Variants in RCOR1 observed in about 807,000 individuals in gnomAD.
RCOR1 encodes REST corepressor 1.
Under a neutral mutation model 64.0 loss-of-function variants are expected in RCOR1, and 12 were observed. That is an observed-to-expected ratio of 0.19 (90% confidence interval 0.12 to 0.30). The LOEUF (loss-of-function observed/expected upper bound fraction) is 0.30, where lower values mean the gene tolerates loss of function less well. Ranked by LOEUF, RCOR1 falls within the 10% of genes least tolerant of loss-of-function variation. The pLI is 1.00. For missense variants in RCOR1, 502 were observed against 621.2 expected, an observed-to-expected ratio of 0.81 and a Z score of 2.04; for synonymous variants, 279 against 227.2, an observed-to-expected ratio of 1.23 and a Z score of -2.05.
intron 2 of RCOR1, among the ~76,000 whole-genome samples, chr14:102,653,959 CTTTCTTTCTTTCTTTCTTTCTTTCT>C (rs1894655328): frequency 2.0e-4 from 10 of 50,040 alleles, no homozygotes; most frequent in South Asian, 5.2e-4. Context: ...TTCTTTCTTT[CTTTCTTTCTTTCTTTCTTTCTTTCT>C]TTTTTTTTTT....
intron 2 of RCOR1, among the ~76,000 whole-genome samples, chr14:102,601,680 G>C (rs774309764): frequency 2.3e-4 from 35 of 152,202 alleles, no homozygotes; most frequent in Non-Finnish European, 4.1e-4. Flanking sequence ...CTGTTGGGCA[G>C]GAATGGTCCT....
chr14:102,610,910 G>T (rs972682491), intron 2 of RCOR1, among the ~76,000 whole-genome samples: 1 of 152,084 alleles, frequency 6.6e-6, no homozygotes, highest in African/African-American at 2.4e-5. Flanking sequence ...CTTTTGTCAA[G>T]TGCATGAAAT....
At chr14:102,605,143 T>C (rs1302984223) in intron 2 of RCOR1, among the ~76,000 whole-genome samples, 14 of 151,996 alleles carry the variant, frequency 9.2e-5, no homozygotes, top group Admixed American at 8.5e-4. Flanking sequence ...TGATTAGTTG[T>C]TTCCATGTGG....
chr14:102,665,007 CT>C (rs1008008243), intron 2 of RCOR1, among the ~76,000 whole-genome samples: 12 of 151,128 alleles, frequency 7.9e-5, no homozygotes, highest in South Asian at 4.2e-4. Flanking sequence ...ATATTCAACC[CT>C]TTTTTTTTGT....
At chr14:102,637,408 T>A (rs1190340) in intron 2 of RCOR1, among the ~76,000 whole-genome samples, 14 of 151,540 alleles carry the variant, frequency 9.2e-5, no homozygotes, top group Admixed American at 2.6e-4. Context: ...GATTACAGAC[T>A]TGAGCCACTG....
chr14:102,645,247 T>A (rs189522356), intron 2 of RCOR1, among the ~76,000 whole-genome samples: 1,544 of 152,310 alleles, frequency 0.01, 16 homozygotes, highest in Admixed American at 0.015. Context: ...TCTTGGTCTC[T>A]TGGAAAGGAC....
chr14:102,669,596 C>T (rs1043712250), intron 2 of RCOR1, among the ~76,000 whole-genome samples: 1 of 152,318 alleles, frequency 6.6e-6, no homozygotes, highest in African/African-American at 2.4e-5. Flanking sequence ...CCTTAAGCTT[C>T]GACTCAGCTT....
chr14:102,683,869 A>G (rs1370204444), intron 3 of RCOR1, among the ~76,000 whole-genome samples: 1 of 152,018 alleles, frequency 6.6e-6, no homozygotes, highest in Non-Finnish European at 1.5e-5. Flanking sequence ...CTCCCCATAC[A>G]CCAGTCCCTA....
At chr14:102,617,492 T>A (rs1893785133) in intron 2 of RCOR1, among the ~76,000 whole-genome samples, 1 of 151,962 alleles carries the variant, frequency 6.6e-6, no homozygotes, top group Non-Finnish European at 1.5e-5. Context: ...GGTGGGAGGA[T>A]CACTTGAGGA....
chr14:102,601,545 A>T (rs1041967305), intron 2 of RCOR1, among the ~76,000 whole-genome samples: 1 of 152,212 alleles, frequency 6.6e-6, no homozygotes, highest in African/African-American at 2.4e-5. Context: ...CACTGGAAGC[A>T]TGTGTGACAC....
At chr14:102,679,459 A>G (rs949702986) in intron 2 of RCOR1, among the ~76,000 whole-genome samples, 7 of 148,820 alleles carry the variant, frequency 4.7e-5, no homozygotes, top group African/African-American at 1.7e-4. Context: ...TTTGGACTCT[A>G]TTCCATTTAT....
At chr14:102,628,663 T>C (rs1041595598) in intron 2 of RCOR1, among the ~76,000 whole-genome samples, 6 of 152,164 alleles carry the variant, frequency 3.9e-5, no homozygotes, top group African/African-American at 2.4e-5. Flanking sequence ...CAAACAATTC[T>C]TGTGCTTCAG....
intron 2 of RCOR1, among the ~76,000 whole-genome samples, chr14:102,678,709 CTT>C (rs1340587940): frequency 6.6e-6 from 1 of 152,198 alleles, no homozygotes; most frequent in Non-Finnish European, 1.5e-5. Flanking sequence ...AACTGCAAAA[CTT>C]TCCCAGAATG....
At position 102,634,674 on chromosome 14, in the gene RCOR1, GTACA is replaced by G. The variant is rs1894199020; in HGVS notation, c.361+41356_361+41359del. Among the ~76,000 whole-genome samples, 4 of 149,288 alleles carry G rather than the reference GTACA, an allele frequency of 2.7e-5. No individual in the cohort carries two copies. In the South Asian group the frequency reaches 6.3e-4, roughly 24 times the overall value. On this transcript the variant is annotated intron_variant, in intron 2 of 11. Coordinates refer to ENST00000262241, the MANE Select transcript of RCOR1 (RefSeq NM_015156.4). ...TATGTATATATATATACACACACAC[GTACA>G]TACATATATATATGTGTGTATATAT... is the stretch of plus-strand genomic sequence containing the variant.
rs1038609568 is a variant in RCOR1 at position 102,678,800 on chromosome 14, G to A, written c.362-3095G>A. Among the ~76,000 whole-genome samples the A allele has an allele frequency of 7.2e-5, 11 of 152,136 alleles. 1 individual carries two copies. Among genetic ancestry groups the A allele is most frequent in the African/African-American group, 2.7e-4 (11 of 41,420 alleles). ...ATTCTTGTCAGCACTTTGTAGTGTT[G>A]ATGCCTTTTATTTTAGACAGCCTAA... On this transcript the variant is annotated intron_variant, in intron 2 of 11. Coordinates refer to ENST00000262241, the MANE Select transcript of RCOR1 (RefSeq NM_015156.4).
chr14:102,724,580 G>A (rs1376354567), intron 11 of RCOR1, among the ~76,000 whole-genome samples: 4 of 152,082 alleles, frequency 2.6e-5, no homozygotes, highest in Non-Finnish European at 5.9e-5. Context: ...TGATCCGCTC[G>A]CCTCTGCCTC....
intron 2 of RCOR1, among the ~76,000 whole-genome samples, chr14:102,644,025 A>G (rs74810174): frequency 0.098 from 14,896 of 152,128 alleles, 787 homozygotes; most frequent in Middle Eastern, 0.17. Context: ...CTTTCTGGTG[A>G]TGAGGATTTA....
rs1180031232 is a variant in RCOR1 at position 102,682,082 on chromosome 14, T to G, written c.445+104T>G. 3 of 652,764 alleles carry G rather than the reference T, an allele frequency of 4.6e-6. No homozygotes were observed. The East Asian group carries it at 8.7e-5, about 19-fold the overall frequency. The allele number at this position is 652,764 out of a possible 1,614,324, so 40.4% of individuals were successfully genotyped here. ...CTATATGTATTAAATTTCTTTTCTATTTTAAGATAAATAATTTAAAGAGTT... is the reference window on the plus strand; with the variant it reads ...CTATATGTATTAAATTTCTTTTCTAGTTTAAGATAAATAATTTAAAGAGTT... On this transcript the variant is annotated intron_variant, in intron 3 of 11. Coordinates refer to ENST00000262241, the MANE Select transcript of RCOR1 (RefSeq NM_015156.4).
intron 2 of RCOR1, among the ~76,000 whole-genome samples, chr14:102,672,854 T>C (rs958038027): frequency 6.6e-6 from 1 of 152,272 alleles, no homozygotes; most frequent in Admixed American, 6.5e-5. Flanking sequence ...ACAAGTAAAA[T>C]ATAGCATTAT....
Sources: allele counts gnomAD v4.1 joint callset (sites outside exome capture counted in the v4.1 genomes callset), GRCh38; gene constraint gnomAD v4.1.1; transcripts MANE v1.5; gene names NCBI Gene and HGNC (gene_info 2026-07-23, HGNC 2026-07-21).